The following DPP6 variants were observed in gnomAD, a reference collection of about 807,000 sequenced individuals.
DPP6 encodes the protein A-type potassium channel modulatory protein DPP6.
Under a neutral mutation model 122.6 loss-of-function variants are expected in DPP6, and 69 were observed. That is an observed-to-expected ratio of 0.56 (90% CI 0.46 to 0.69). The LOEUF (loss-of-function observed/expected upper bound fraction) is 0.69, where lower values mean the gene tolerates loss of function less well. Among genes scored for constraint, DPP6 ranks in the 30% least tolerant of loss-of-function variants. The pLI is 0.00. For missense variants in DPP6, 928 were observed against 1,116.9 expected, an observed-to-expected ratio of 0.83 and a Z score of 2.41; for synonymous variants, 418 against 433.1, an observed-to-expected ratio of 0.97 and a Z score of 0.43.
intron 1 of DPP6, among the ~76,000 whole-genome samples, chr7:153,931,916 AC>A (rs1801187993): frequency 6.6e-6 from 1 of 152,188 alleles, no homozygotes; most frequent in Non-Finnish European, 1.5e-5. Flanking sequence ...ATCTTCGTGC[AC>A]CGGCTAATTT....
At chr7:154,029,412 G>A (rs1799112582) in intron 1 of DPP6, among the ~76,000 whole-genome samples, 1 of 151,976 alleles carries the variant, frequency 6.6e-6, no homozygotes, top group Non-Finnish European at 1.5e-5. Flanking sequence ...AGCTACTTGG[G>A]AGGCTGAAGC....
At chr7:153,874,015 G>A in the DPP6 span, among the ~76,000 whole-genome samples, 34 of 152,204 alleles carry the variant, frequency 2.2e-4, no homozygotes, top group East Asian at 5.8e-4. Flanking sequence ...TCCTCAGGAC[G>A]AAAGCCCAGA....
chr7:154,421,133 A>G (rs1216213421), intron 1 of DPP6, among the ~76,000 whole-genome samples: 2 of 148,616 alleles, frequency 1.3e-5, no homozygotes, highest in Non-Finnish European at 3.0e-5. Flanking sequence ...ACTCAGTTCT[A>G]CATCTGTAAG....
At chr7:154,417,808 C>T (rs1817153017) in intron 1 of DPP6, among the ~76,000 whole-genome samples, 1 of 152,214 alleles carries the variant, frequency 6.6e-6, no homozygotes, top group Admixed American at 6.5e-5. Context: ...TCTGTGCCAC[C>T]CTCATCGCCT....
Position 154,491,556 on chromosome 7 carries a change from C to T in DPP6, c.457+16519C>T, listed in dbSNP as rs552027423. Among the ~76,000 whole-genome samples the T allele has an allele frequency of 2.4e-4, 37 of 152,326 alleles. No individual in the cohort carries two copies. The South Asian group carries it at 7.0e-3, about 29-fold the overall frequency. On this transcript the variant is annotated intron_variant, in intron 3 of 25. Transcript: ENST00000377770. ...TCCTTTGCCATTGGAGCCTACAATTCGTCCAGAATCCTTTCCTCCTCCCTC... is the reference window on the plus strand; with the variant it reads ...TCCTTTGCCATTGGAGCCTACAATTTGTCCAGAATCCTTTCCTCCTCCCTC...
At chr7:154,176,961 G>A (rs1797835964) in intron 1 of DPP6, among the ~76,000 whole-genome samples, 2 of 151,940 alleles carry the variant, frequency 1.3e-5, no homozygotes, top group African/African-American at 4.8e-5. Context: ...AGCCTCCCAA[G>A]TAGCTAGGAT....
the DPP6 span, among the ~76,000 whole-genome samples, chr7:153,752,980 A>C: frequency 2.0e-5 from 3 of 152,210 alleles, no homozygotes; most frequent in African/African-American, 7.2e-5. Flanking sequence ...GTAAGCATTT[A>C]TTACATGACA....
intron 1 of DPP6, among the ~76,000 whole-genome samples, chr7:154,141,085 G>A (rs561579532): frequency 2.6e-5 from 4 of 152,322 alleles, no homozygotes; most frequent in Non-Finnish European, 5.9e-5. Flanking sequence ...AAGGCATCAT[G>A]TATGGACATT....
intron 1 of DPP6, among the ~76,000 whole-genome samples, chr7:154,438,122 T>G (rs996771072): frequency 1.3e-5 from 2 of 152,042 alleles, no homozygotes; most frequent in African/African-American, 4.8e-5. Context: ...CGGCTTTTGT[T>G]TTTGAGTTTC....
intron 8 of DPP6, among the ~76,000 whole-genome samples, chr7:154,763,850 G>C (rs1275508409): frequency 6.6e-6 from 1 of 152,154 alleles, no homozygotes; most frequent in Non-Finnish European, 1.5e-5. Context: ...GAGCCCCCTA[G>C]ATACAACTGC....
chr7:154,830,494 G>C (rs1283725026), intron 16 of DPP6, among the ~76,000 whole-genome samples: 2 of 152,218 alleles, frequency 1.3e-5, no homozygotes, highest in East Asian at 3.8e-4. Context: ...AGATAATTGT[G>C]AATAATATTC....
intron 1 of DPP6, among the ~76,000 whole-genome samples, chr7:154,061,857 G>A (rs1447794409): frequency 5.5e-4 from 72 of 130,606 alleles, no homozygotes; most frequent in African/African-American, 1.9e-3. Context: ...CCATCGCTGG[G>A]GGCGGAGGCA....
chr7:154,150,175 A>G (rs1337732227), intron 1 of DPP6, among the ~76,000 whole-genome samples: 3 of 152,084 alleles, frequency 2.0e-5, no homozygotes, highest in African/African-American at 7.2e-5. Flanking sequence ...AGAATGTGCC[A>G]TTTGGACATT....
chr7:154,769,105 G>T (rs192274673), intron 8 of DPP6, among the ~76,000 whole-genome samples: 23 of 152,164 alleles, frequency 1.5e-4, no homozygotes, highest in Non-Finnish European at 2.6e-4. Flanking sequence ...TCAAAAGGAC[G>T]TGTTGGGCTC....
chr7:154,622,090 A>G (rs1834723858), intron 5 of DPP6, among the ~76,000 whole-genome samples: 2 of 152,114 alleles, frequency 1.3e-5, no homozygotes. Flanking sequence ...AAAGTAACTT[A>G]TTACTCTGCC....
intron 1 of DPP6, among the ~76,000 whole-genome samples, chr7:154,154,921 C>G (rs1796607944): frequency 6.6e-6 from 1 of 152,098 alleles, no homozygotes; most frequent in Admixed American, 6.5e-5. Context: ...ATTTTGGGGA[C>G]AATTTAGGCT....
Position 154,497,075 on chromosome 7 carries a change from A to G in DPP6, c.457+22038A>G, listed in dbSNP as rs569441258. Among the ~76,000 whole-genome samples, 15 of 150,184 alleles carry G rather than the reference A, an allele frequency of 1.0e-4. No individual in the cohort carries two copies. In the South Asian group the frequency reaches 2.9e-3, roughly 29 times the overall value. ...AACTCCCTCCCTCCCCCCATGAACC[A>G]TTGTAGGTTAAAATAGCCCAGTGGT... On this transcript the variant is annotated intron_variant, in intron 3 of 25. Coordinates refer to ENST00000377770, the MANE Select transcript of DPP6 (RefSeq NM_130797.4).
At chr7:154,322,625 A>G (rs1003205242) in intron 1 of DPP6, among the ~76,000 whole-genome samples, 1 of 152,176 alleles carries the variant, frequency 6.6e-6, no homozygotes, top group Non-Finnish European at 1.5e-5. Flanking sequence ...ATAAGAGTAG[A>G]TTCCTGAAAC....
chr7:154,433,136 G>GTTTTTTTTTTTTTTTTTTTTTTTTT (rs548053204), intron 1 of DPP6, among the ~76,000 whole-genome samples: 1 of 72,336 alleles, frequency 1.4e-5, no homozygotes, highest in African/African-American at 5.9e-5. Context: ...TAGACTGCAA[G>GTTTTTTTTTTTTTTTTTTTTTTTTT]TTTTTTTTTT....
Sources: gnomAD v4.1 joint callset for allele counts (sites outside exome capture counted in the v4.1 genomes callset) on GRCh38, gnomAD v4.1.1 for gene constraint, MANE v1.5 for transcripts, NCBI Gene and HGNC (gene_info 2026-07-23, HGNC 2026-07-21) for gene names.